Variants in RANBP2 observed in about 807,000 individuals in gnomAD.
The protein encoded by RANBP2 is RAN binding protein 2, also known as E3 SUMO-protein ligase RanBP2.
A neutral mutation model predicts 303.6 loss-of-function variants in RANBP2; 57 were observed. That is an observed-to-expected ratio of 0.19 (90% CI 0.15 to 0.23). RANBP2 has a LOEUF of 0.23. RANBP2 is among the 10% of genes least tolerant of loss of function. The pLI is 1.00. For missense variants in RANBP2, 3,138 were observed against 3,780.8 expected, an observed-to-expected ratio of 0.83 and a Z score of 4.46; for synonymous variants, 1,167 against 1,301.5, an observed-to-expected ratio of 0.90 and a Z score of 2.23.
At chr2:109,454,096 CTTACA>C in the RANBP2 span, among the ~76,000 whole-genome samples, 1 of 152,194 alleles carries the variant, frequency 6.6e-6, no homozygotes, top group Non-Finnish European at 1.5e-5. Flanking sequence ...GTCAGTGCAA[CTTACA>C]TTACATGGTG....
rs1196915435 is a variant in RANBP2 at position 108,768,236 on chromosome 2, G to A, written c.7697G>A (p.Ser2566Asn). ...AGTGAAACTAGTTCAGTAGCCCAGA[G>A]TGGATCTGAAAGCAAAGTGGAACCT... ...NNSETSSVAQ[S>N]GSESKVEPKK... Residue 2566 changes from serine (S) to asparagine (N), a missense_variant, in exon 20 of 29, where the codon AGT (serine) becomes AAT (asparagine). By Grantham distance (46) the Ser-to-Asn change is conservative. Around this residue, in one of 20 missense-constraint regions of RANBP2, gnomAD observed 497 missense variants for 465.8 expected, o/e 1.07. Coordinates refer to ENST00000283195, the MANE Select transcript of RANBP2 (RefSeq NM_006267.5). The A allele has an allele frequency of 5.0e-6, 8 of 1,612,004 alleles. No individual in the cohort carries two copies. The East Asian group carries it at 6.7e-5, about 13-fold the overall frequency.
At chr2:109,419,153 T>C in the RANBP2 span, among the ~76,000 whole-genome samples, 1 of 152,220 alleles carries the variant, frequency 6.6e-6, no homozygotes, top group African/African-American at 2.4e-5. Flanking sequence ...GGACGCTCTT[T>C]TTAAATAAGC....
chr2:109,542,397 A>T, the RANBP2 span, among the ~76,000 whole-genome samples: 1 of 152,200 alleles, frequency 6.6e-6, no homozygotes, highest in African/African-American at 2.4e-5. Context: ...AGGCAGGTTT[A>T]TTACGTTCTT....
the RANBP2 span, among the ~76,000 whole-genome samples, chr2:108,867,310 T>G: frequency 6.6e-6 from 1 of 151,994 alleles, no homozygotes; most frequent in Non-Finnish European, 1.5e-5. Flanking sequence ...GATTCCAGAG[T>G]GGGAATTACT....
At chr2:109,371,695 G>A in the RANBP2 span, 115 of 1,609,720 alleles carry the variant, frequency 7.1e-5, no homozygotes, top group Non-Finnish European at 9.0e-5. Context: ...AGACCGTGCC[G>A]CCCTCCCACA....
the RANBP2 span, among the ~76,000 whole-genome samples, chr2:108,852,308 T>G: frequency 1.3e-5 from 2 of 152,116 alleles, no homozygotes; most frequent in Admixed American, 1.3e-4. Flanking sequence ...TTTGTGGGAG[T>G]GTAAATTAGT....
chr2:109,713,478 G>GA, the RANBP2 span, among the ~76,000 whole-genome samples: 2 of 152,216 alleles, frequency 1.3e-5, no homozygotes, highest in Non-Finnish European at 2.9e-5. Flanking sequence ...GAGTGACAAG[G>GA]AAACCCATAC....
chr2:108,764,806 A>G lies in RANBP2; in HGVS notation c.4267A>G (p.Ile1423Val), dbSNP rs1676995719. Residue 1423 changes from isoleucine (I) to valine (V), a missense_variant, in exon 20 of 29, where the codon ATT (isoleucine) becomes GTT (valine). Ile to Val is a conservative substitution (Grantham distance 29). Around this residue, in one of 20 missense-constraint regions of RANBP2, gnomAD observed 388 missense variants for 328.5 expected, o/e 1.18. Transcript: ENST00000283195. ...PKKEGHWDCS[I>V]CLVRNEPTVS... ...GAAAGAAGGTCACTGGGATTGTAGT[A>G]TTTGTTTAGTAAGAAATGAACCTAC... is the stretch of plus-strand genomic sequence containing the variant. The G allele has an allele frequency of 1.2e-6, 2 of 1,614,068 alleles. No individual in the cohort carries two copies. The highest frequency in any genetic ancestry group is 1.7e-6 in the Non-Finnish European group (2 of 1,179,974).
chr2:108,929,146 G>T, the RANBP2 span: 3 of 1,607,000 alleles, frequency 1.9e-6, no homozygotes, highest in African/African-American at 1.3e-5. Context: ...GTAGCCCCTC[G>T]GGGTTTTCTG....
the RANBP2 span, among the ~76,000 whole-genome samples, chr2:109,002,624 T>C: frequency 2.6e-5 from 4 of 152,108 alleles, no homozygotes; most frequent in Non-Finnish European, 1.5e-5. Flanking sequence ...GGACCTAGGT[T>C]CCCTCTGCTC....
chr2:108,807,906 G>C, the RANBP2 span, among the ~76,000 whole-genome samples: 1 of 152,174 alleles, frequency 6.6e-6, no homozygotes, highest in Non-Finnish European at 1.5e-5. Flanking sequence ...ACTGTACCCA[G>C]CCCCTCCTAT....
the RANBP2 span, among the ~76,000 whole-genome samples, chr2:109,434,601 C>T: frequency 6.6e-6 from 1 of 152,210 alleles, no homozygotes; most frequent in Admixed American, 6.5e-5. Context: ...CCTGAATATC[C>T]TTCAAGAGCT....
the RANBP2 span, chr2:109,437,164 T>G: frequency 6.3e-7 from 1 of 1,597,954 alleles, no homozygotes; most frequent in Non-Finnish European, 8.6e-7. Flanking sequence ...CACAGGGGCC[T>G]CACCCTGCAG....
At chr2:108,901,173 G>C in the RANBP2 span, among the ~76,000 whole-genome samples, 1 of 152,076 alleles carries the variant, frequency 6.6e-6, no homozygotes, top group African/African-American at 2.4e-5. Context: ...AATAGAATCA[G>C]AATATAAATA....
At chr2:109,306,888 C>T in the RANBP2 span, among the ~76,000 whole-genome samples, 7 of 152,144 alleles carry the variant, frequency 4.6e-5, no homozygotes, top group South Asian at 2.1e-4. Context: ...AACGGGTGTG[C>T]GGTGTACGGT....
chr2:109,372,664 C>T, the RANBP2 span, among the ~76,000 whole-genome samples: 2 of 152,214 alleles, frequency 1.3e-5, no homozygotes, highest in African/African-American at 2.4e-5. Flanking sequence ...GGTTTCAGCG[C>T]GGGCCTCTTG....
the RANBP2 span, among the ~76,000 whole-genome samples, chr2:108,834,409 T>G: frequency 6.6e-6 from 1 of 151,782 alleles, no homozygotes; most frequent in African/African-American, 2.4e-5. Context: ...AGATGGGGGT[T>G]TCACCATGTT....
chr2:109,178,238 A>C, the RANBP2 span, among the ~76,000 whole-genome samples: 2 of 152,184 alleles, frequency 1.3e-5, no homozygotes, highest in Non-Finnish European at 2.9e-5. Flanking sequence ...ATATTCTATA[A>C]ATTTCAGGAA....
the RANBP2 span, among the ~76,000 whole-genome samples, chr2:109,532,034 C>T: frequency 9.2e-5 from 14 of 152,342 alleles, no homozygotes; most frequent in East Asian, 3.9e-4. Flanking sequence ...GGTGGACACA[C>T]GGGACCCCAC....
Sources: gnomAD v4.1 joint callset for allele counts (sites outside exome capture counted in the v4.1 genomes callset) on GRCh38, gnomAD v4.1.1 for gene constraint, gnomAD v4.1.1 regional missense constraint, MANE v1.5 for transcripts, NCBI Gene and HGNC (gene_info 2026-07-23, HGNC 2026-07-21) for gene names.